Variants in HERC2 observed in about 807,000 individuals in gnomAD.
HERC2 encodes the protein HECT and RLD domain containing E3 ubiquitin protein ligase 2.
A neutral mutation model predicts 537.7 loss-of-function variants in HERC2; 102 were observed. The observed-to-expected ratio is 0.19, with a 90% CI of 0.16 to 0.22. HERC2 has a LOEUF of 0.22. Ranked by LOEUF, HERC2 falls within the 10% of genes least tolerant of loss-of-function variation. The pLI is 1.00. For missense variants in HERC2, 4,236 were observed against 6,198.2 expected, an observed-to-expected ratio of 0.68 and a Z score of 10.63; for synonymous variants, 2,224 against 2,466.2, an observed-to-expected ratio of 0.90 and a Z score of 2.91.
Position 28,214,719 on chromosome 15 carries a change from C to T in HERC2, c.6294G>A (p.Glu2098=), listed in dbSNP as rs1249719160. Residue 2098 remains glutamate, a synonymous_variant, in exon 40 of 93, where the codon GAG becomes GAA. Coordinates refer to ENST00000261609, the MANE Select transcript of HERC2 (RefSeq NM_004667.6). ...AGCTTCCCAAGAAGTCAAACAGCTT[C>T]TCCACGAGGCATTTCATGTCCCTCG... The part of the protein sequence containing the change: ...ERARDMKCLV[E]KLFDFLGSLL... 12 of 1,612,020 alleles carry T rather than the reference C, an allele frequency of 7.4e-6. No homozygotes were observed. In the South Asian group the frequency reaches 1.2e-4, roughly 16 times the overall value.
At position 28,268,582 on chromosome 15, in the gene HERC2, T is replaced by C. The variant is rs746491340; in HGVS notation, c.1481A>G (p.Asn494Ser). 1 of 1,614,158 alleles carries C rather than the reference T, an allele frequency of 6.2e-7. No individual in the cohort carries two copies. The highest frequency in any genetic ancestry group is 8.5e-7 in the Non-Finnish European group (1 of 1,180,014). Residue 494 changes from asparagine to serine, a missense_variant, in exon 12 of 93, where the codon AAC becomes AGC. Physicochemically the swap from Asn to Ser is conservative, Grantham distance 46. Transcript: ENST00000261609. This position sits in a 1 kb window ranked among gnomAD's most constrained non-coding sequence, Gnocchi z 4.7. ...AGAATGGGCAGCAATTTTTACAATGTTTCTGGAGGCAAGGCCTTGGACCAG... is the reference window on the plus strand; with the variant it reads ...AGAATGGGCAGCAATTTTTACAATGCTTCTGGAGGCAAGGCCTTGGACCAG... Reference protein sequence around the residue: ...PQLVQGLASRNIVKIAAHSDG... With the variant: ...PQLVQGLASRSIVKIAAHSDG...
Position 28,260,985 on chromosome 15 carries a change from G to A in HERC2, c.2123-15C>T, listed in dbSNP as rs1014678671. The A allele has an allele frequency of 5.0e-6, 8 of 1,598,740 alleles. No individual in the cohort carries two copies. Among genetic ancestry groups the A allele is most frequent in the Admixed American group, 1.7e-5 (1 of 59,452 alleles). On this transcript the variant is annotated splice_polypyrimidine_tract_variant and intron_variant, in intron 15 of 92. Transcript: ENST00000261609. The stretch of plus-strand genomic sequence containing the variant: ...CACCTTCTTCCCTACAAGGGAAGAG[G>A]GATGCAGATGCAGCTTCAAGCCTAT...
intron 52 of HERC2, among the ~76,000 whole-genome samples, chr15:28,194,945 A>G (rs1006999642): frequency 6.6e-6 from 1 of 151,262 alleles, no homozygotes; most frequent in Non-Finnish European, 1.5e-5. Flanking sequence ...AATCCCAGCT[A>G]CTCGGGAGGC....
At chr15:28,236,666 C>A (rs932466624) in intron 26 of HERC2, among the ~76,000 whole-genome samples, 7 of 152,064 alleles carry the variant, frequency 4.6e-5, no homozygotes, top group Non-Finnish European at 1.0e-4. Context: ...TGACTCACTG[C>A]AGCCTCAACC....
chr15:28,244,359 G>A (rs144338429), intron 23 of HERC2, among the ~76,000 whole-genome samples: 170 of 152,192 alleles, frequency 1.1e-3, no homozygotes, highest in African/African-American at 4.0e-3. Context: ...CTTATATGAA[G>A]TCCGAGAACA....
chr15:28,267,461 C>T (rs879311869), intron 12 of HERC2, among the ~76,000 whole-genome samples: 10 of 152,194 alleles, frequency 6.6e-5, no homozygotes, highest in Non-Finnish European at 1.2e-4. Context: ...ACCACCCTGT[C>T]CTGTACCTCG....
At chr15:28,245,066 G>C (rs1228745963) in intron 23 of HERC2, among the ~76,000 whole-genome samples, 1 of 152,082 alleles carries the variant, frequency 6.6e-6, no homozygotes. Context: ...GTGACTCCAG[G>C]AATTCTGCAT....
At chr15:28,209,623 A>C (rs187673417) in intron 44 of HERC2, among the ~76,000 whole-genome samples, 1 of 152,148 alleles carries the variant, frequency 6.6e-6, no homozygotes, top group Non-Finnish European at 1.5e-5. Flanking sequence ...GATTACAGGC[A>C]TGAGCCACCG....
At position 28,132,110 on chromosome 15, in the gene HERC2, A is replaced by G. The variant is rs770772465; in HGVS notation, c.12560T>C (p.Val4187Ala). Residue 4187 changes from valine to alanine, a missense_variant, in exon 81 of 93, where the codon GTG becomes GCG. Val to Ala is a moderately conservative substitution (Grantham distance 64). Coordinates refer to ENST00000261609, the MANE Select transcript of HERC2 (RefSeq NM_004667.6). ...LGRGGSDGCK[V>A]PMKIDSLTGL... Reference sequence around the variant, plus strand: ...AAGAATGGGAAATACCTTCATAGGCACTTTACAGCCATCGCTGCCTCCCCG... The same window carrying G: ...AAGAATGGGAAATACCTTCATAGGCGCTTTACAGCCATCGCTGCCTCCCCG... 5 of 1,606,962 alleles carry G rather than the reference A, an allele frequency of 3.1e-6. No individual in the cohort carries two copies. In the African/African-American group the frequency reaches 6.7e-5, roughly 22 times the overall value.
rs757201608 is a variant in HERC2 at position 28,218,598 on chromosome 15, A to T, written c.5919T>A (p.Thr1973=). 1.9e-6 allele frequency: 3 copies of T among 1,592,766 alleles called. No homozygotes were observed. The highest frequency in any genetic ancestry group is 2.6e-6 in the Non-Finnish European group (3 of 1,174,790). The change falls in exon 38 of 93, where the codon ACT becomes ACA. Residue 1973 remains threonine (T), a synonymous_variant. Coordinates refer to ENST00000261609, the MANE Select transcript of HERC2 (RefSeq NM_004667.6). ...CATGAACTCCAGCAGACAGACAAAG[A>T]GTCTGCAGTAAGTTAATAGTGCTGG... ...MFTSTINLLQ[T]LCLSAGVHAE... is the part of the protein sequence containing the mutation.
At chr15:28,190,077 C>T (rs1194952444) in intron 55 of HERC2, 2 of 148,552 alleles carry the variant, frequency 1.3e-5, no homozygotes, top group African/African-American at 5.0e-5. Flanking sequence ...GGCACGATCT[C>T]GGCTCACTGT....
rs756076267 is a variant in HERC2, at chr15:28,174,640, A to C, written c.9832-20T>G. On this transcript the variant is annotated intron_variant, in intron 64 of 92. Coordinates refer to ENST00000261609, the MANE Select transcript of HERC2 (RefSeq NM_004667.6). ...ATACACCTGTTTACGAGGAGAAAAA[A>C]GCTTATAATTTTTCAACATTTCAGG... 3.0e-6 allele frequency: 4 copies of C among 1,353,380 alleles called. No homozygotes were observed. In the South Asian group the frequency reaches 5.0e-5, roughly 17 times the overall value. 83.8% of individuals were successfully genotyped at this position (1,353,380 alleles called of 1,614,324 possible).
Position 28,241,688 on chromosome 15 carries a change from C to T in HERC2, c.3578-2916G>A, listed in dbSNP as rs369235273. Among the ~76,000 whole-genome samples the T allele has an allele frequency of 1.0e-3, 153 of 152,162 alleles. 1 individual carries two copies. The highest frequency in any genetic ancestry group is 3.5e-3 in the African/African-American group (146 of 41,518). On this transcript the variant is annotated intron_variant, in intron 23 of 92. Coordinates refer to ENST00000261609, the MANE Select transcript of HERC2 (RefSeq NM_004667.6). Reference sequence around the variant, plus strand: ...ACAAAAAATTAGCTGGGCATGGTGGCGCACGCCTGTAGTCCCAGCTACTCA... The same window carrying T: ...ACAAAAAATTAGCTGGGCATGGTGGTGCACGCCTGTAGTCCCAGCTACTCA...
chr15:28,238,299 AG>A, intron 24 of HERC2, 82 bp from the exon 25 acceptor site: 1 of 1,068,892 alleles, frequency 9.4e-7, no homozygotes, highest in East Asian at 2.4e-5. Flanking sequence ...ATAGGAAATA[AG>A]TTAGGCGCTT....
At chr15:28,156,974 T>A (rs910608109) in intron 69 of HERC2, among the ~76,000 whole-genome samples, 3 of 152,254 alleles carry the variant, frequency 2.0e-5, no homozygotes, top group Non-Finnish European at 4.4e-5. Context: ...TTGAATTTTG[T>A]CAAAGGCCTT....
chr15:28,111,810 C>A lies in HERC2; in HGVS notation c.14458G>T (p.Asp4820Tyr). Residue 4820 changes from aspartate (D) to tyrosine (Y), a missense_variant, in exon 93 of 93, where the codon GAC (aspartate) becomes TAC (tyrosine). Asp to Tyr is a radical substitution (Grantham distance 160). Around this residue, in one of 27 missense-constraint regions of HERC2, gnomAD observed 313 missense variants for 462.6 expected, o/e 0.68. Coordinates refer to ENST00000261609, the MANE Select transcript of HERC2 (RefSeq NM_004667.6). Reference protein sequence around the residue: ...SSDDSDNEDVDSFASDSTQDY... With the variant: ...SSDDSDNEDVYSFASDSTQDY... ...TGTGTAGAGTCCGAAGCAAAGGAGT[C>A]GACATCCTCGTTATCTGAATCGTCG... The A allele has an allele frequency of 1.2e-6, 2 of 1,614,160 alleles. No individual in the cohort carries two copies. Among genetic ancestry groups the A allele is most frequent in the Non-Finnish European group, 1.7e-6 (2 of 1,180,026 alleles).
Position 28,152,712 on chromosome 15 carries a change from T to C in HERC2, c.10865A>G (p.Asp3622Gly). The C allele has an allele frequency of 6.4e-7, 1 of 1,551,202 alleles. No individual in the cohort carries two copies. Among genetic ancestry groups the C allele is most frequent in the Non-Finnish European group, 8.7e-7 (1 of 1,147,000 alleles). The stretch of plus-strand genomic sequence containing the variant: ...CACTGTGCCACTGGTGGAGGTGTCG[T>C]CGGTGTAAGGGTGGCTACTCTCCAC... ...VVVESSHPYTDDTSTSGTVKI... is the reference protein window; with the variant it reads ...VVVESSHPYTGDTSTSGTVKI... The change falls in exon 70 of 93, where the codon GAC (aspartate) becomes GGC (glycine). Residue 3622 changes from aspartate (D) to glycine (G), a missense_variant. Transcript: ENST00000261609.
At chr15:28,270,177 G>A (rs1195243820) in intron 10 of HERC2, among the ~76,000 whole-genome samples, 1 of 151,944 alleles carries the variant, frequency 6.6e-6, no homozygotes, top group Non-Finnish European at 1.5e-5. Flanking sequence ...TGGCCAGGCT[G>A]GAGAACCCAC....
intron 4 of HERC2, among the ~76,000 whole-genome samples, chr15:28,290,237 C>A (rs1234847893): frequency 6.6e-6 from 1 of 152,150 alleles, no homozygotes; most frequent in Non-Finnish European, 1.5e-5. Flanking sequence ...AAAATTATTT[C>A]AAGTCAAGGA....
Sources: gnomAD v4.1 joint callset for allele counts (sites outside exome capture counted in the v4.1 genomes callset) on GRCh38, gnomAD v4.1.1 for gene constraint, gnomAD v4.1.1 regional missense constraint, Gnocchi (gnomAD v3.1) non-coding constraint, MANE v1.5 for transcripts, NCBI Gene and HGNC (gene_info 2026-07-23, HGNC 2026-07-21) for gene names.